CLIP1: variants seen among roughly 807,000 people sequenced by gnomAD.
CLIP1 encodes CAP-Gly domain-containing linker protein 1.
A neutral mutation model predicts 161.6 loss-of-function variants in CLIP1; 66 were observed. The ratio of observed to expected loss-of-function variants is 0.41; its 90% confidence interval spans 0.33 to 0.50. The LOEUF (loss-of-function observed/expected upper bound fraction) is 0.50, where lower values mean the gene tolerates loss of function less well. CLIP1 is among the 20% of genes least tolerant of loss of function. The pLI, the probability that CLIP1 is intolerant of heterozygous loss-of-function variation, is 0.27. For missense variants in CLIP1, 1,376 were observed against 1,702.0 expected, an observed-to-expected ratio of 0.81 and a Z score of 3.37; for synonymous variants, 598 against 626.2, an observed-to-expected ratio of 0.96 and a Z score of 0.67.
chr12:122,392,219 T>C (rs1955688588), intron 1 of CLIP1, among the ~76,000 whole-genome samples: 2 of 152,108 alleles, frequency 1.3e-5, no homozygotes, highest in South Asian at 4.1e-4. Context: ...TGCAGTGACC[T>C]ATGATTACAC....
At chr12:122,358,514 A>C (rs1953615515) in intron 5 of CLIP1, among the ~76,000 whole-genome samples, 1 of 151,932 alleles carries the variant, frequency 6.6e-6, no homozygotes, top group Non-Finnish European at 1.5e-5. Context: ...GCAGTATGGC[A>C]TAATGACTTA....
intron 11 of CLIP1, among the ~76,000 whole-genome samples, chr12:122,336,975 T>G (rs78218575): frequency 6.7e-6 from 1 of 149,028 alleles, no homozygotes; most frequent in African/African-American, 2.4e-5. Context: ...TTTTTTTTTT[T>G]CTCTTTCTTT....
chr12:122,323,105 G>A lies in CLIP1; in HGVS notation c.3250-3757C>T, dbSNP rs1951577758. On this transcript the variant is annotated intron_variant, in intron 17 of 25. Transcript: ENST00000620786. This position sits in a 1 kb window ranked among gnomAD's most constrained non-coding sequence, Gnocchi z 4.1. ...ACATTGCCTTTTGAGGTCTCCTATG[G>A]CTTTGATGGAATTCTCTCTCTCTGC... 2 of 152,592 alleles carry A rather than the reference G, an allele frequency of 1.3e-5. No homozygotes were observed. Among genetic ancestry groups the A allele is most frequent in the African/African-American group, 4.8e-5 (2 of 41,528 alleles). 9.5% of individuals were successfully genotyped at this position (152,592 alleles called of 1,614,324 possible).
chr12:122,412,297 C>T (rs905563954), intron 1 of CLIP1, among the ~76,000 whole-genome samples: 5 of 150,412 alleles, frequency 3.3e-5, no homozygotes, highest in African/African-American at 9.7e-5. Context: ...CCATCCACTT[C>T]AGCCTCCCAA....
chr12:122,344,339 A>G (rs1296882825), intron 10 of CLIP1, among the ~76,000 whole-genome samples: 1 of 152,220 alleles, frequency 6.6e-6, no homozygotes, highest in Non-Finnish European at 1.5e-5. Context: ...TCATTTACAC[A>G]TGATTTTCTG....
chr12:122,361,201 C>G lies in CLIP1; in HGVS notation c.783-20G>C. ...AAATACCTTTAGAGAACAATAAGAA[C>G]AATAACAAAAAACAACTTAATCACA... On this transcript the variant is annotated intron_variant, in intron 4 of 25. Transcript: ENST00000620786. The G allele has an allele frequency of 6.4e-7, 1 of 1,562,014 alleles. No individual in the cohort carries two copies. The highest frequency in any genetic ancestry group is 8.7e-7 in the Non-Finnish European group (1 of 1,143,206).
chr12:122,276,523 A>T, intron 24 of CLIP1: 1 of 1,268,532 alleles, frequency 7.9e-7, no homozygotes, highest in South Asian at 1.2e-5. Context: ...AGACACTGTT[A>T]GTTATTAAGC....
At chr12:122,391,541 G>A (rs1433037702) in intron 1 of CLIP1, among the ~76,000 whole-genome samples, 7 of 152,192 alleles carry the variant, frequency 4.6e-5, no homozygotes, top group African/African-American at 7.2e-5. Flanking sequence ...AGCTGAGATC[G>A]CGCCATCGTA....
chr12:122,341,406 T>C lies in CLIP1; in HGVS notation c.1798A>G (p.Lys600Glu). ...TTGCTTTTCAATGACTCGTTCTCTT[T>C]GGAAAGCTTTTCCGTGGCGGTATAC... The part of the protein sequence containing the change: ...ALYTATEKLS[K>E]ENESLKSKLE... Residue 600 changes from lysine to glutamate, a missense_variant, in exon 11 of 26, where the codon AAA becomes GAA. Physicochemically the swap from Lys to Glu is moderately conservative, Grantham distance 56. Transcript: ENST00000620786. The C allele has an allele frequency of 6.2e-7, 1 of 1,614,200 alleles. No individual in the cohort carries two copies. Among genetic ancestry groups the C allele is most frequent in the South Asian group, 1.1e-5 (1 of 91,086 alleles).
chr12:122,377,784 C>T lies in CLIP1; in HGVS notation c.262G>A (p.Ala88Thr), dbSNP rs532751950. 1 of 1,613,938 alleles carries T rather than the reference C, an allele frequency of 6.2e-7. No individual in the cohort carries two copies. The highest frequency in any genetic ancestry group is 1.3e-5 in the African/African-American group (1 of 74,986). ...ATGGGTTCATCTAAAACAATTCCAG[C>T]CCACTGGCCTGGTGCAAACTGGGTT... ...GETQFAPGQW[A>T]GIVLDEPIGK... The change falls in exon 3 of 26, where the codon GCT becomes ACT. Residue 88 changes from alanine to threonine, a missense_variant. Ala to Thr is a moderately conservative substitution (Grantham distance 58). Transcript: ENST00000620786.
intron 1 of CLIP1, among the ~76,000 whole-genome samples, chr12:122,420,719 T>G (rs1363686211): frequency 3.9e-5 from 6 of 152,058 alleles, no homozygotes; most frequent in Middle Eastern, 6.3e-3. Context: ...GTGGATGACT[T>G]GAGCCCAGGA....
At chr12:122,333,979 G>T (rs886801910) in intron 14 of CLIP1, 48 bp downstream of exon 14, 23 of 1,169,296 alleles carry the variant, frequency 2.0e-5, no homozygotes, top group Non-Finnish European at 3.0e-5. Context: ...CTCGAATACG[G>T]GAAAGCCTAC....
chr12:122,403,416 A>T (rs7311062), intron 1 of CLIP1, among the ~76,000 whole-genome samples: 1 of 151,742 alleles, frequency 6.6e-6, no homozygotes, highest in African/African-American at 2.4e-5. Context: ...GAAAAATTTA[A>T]TAAGTATGTC....
chr12:122,402,382 G>C (rs1395718230), intron 1 of CLIP1, among the ~76,000 whole-genome samples: 1 of 152,018 alleles, frequency 6.6e-6, no homozygotes, highest in Non-Finnish European at 1.5e-5. Context: ...AGCTACTCCA[G>C]AGGCAGAGAT....
intron 21 of CLIP1, among the ~76,000 whole-genome samples, chr12:122,282,803 A>G (rs1014486418): frequency 6.6e-6 from 1 of 152,218 alleles, no homozygotes; most frequent in Admixed American, 6.5e-5. Context: ...TTTATTTATT[A>G]TAACGTGGAT....
chr12:122,340,405 T>C (rs541693591), intron 11 of CLIP1, among the ~76,000 whole-genome samples: 31 of 152,312 alleles, frequency 2.0e-4, no homozygotes, highest in Non-Finnish European at 4.4e-4. Context: ...GTTCATTCAT[T>C]CATCTTAACA....
chr12:122,417,081 T>C (rs1464179487), intron 1 of CLIP1, among the ~76,000 whole-genome samples: 1 of 151,918 alleles, frequency 6.6e-6, no homozygotes, highest in Admixed American at 6.6e-5. Flanking sequence ...GCAGATCACC[T>C]GAGGGTCAGG....
intron 1 of CLIP1, among the ~76,000 whole-genome samples, chr12:122,383,846 A>AC (rs1229807983): frequency 1.3e-5 from 2 of 151,984 alleles, no homozygotes; most frequent in African/African-American, 4.8e-5. Flanking sequence ...TGCAAAACAA[A>AC]AAAAAAAAGA....
At chr12:122,400,375 A>G (rs1187987841) in intron 1 of CLIP1, 1 of 151,996 alleles carries the variant, frequency 6.6e-6, no homozygotes, top group East Asian at 1.9e-4. Flanking sequence ...GCTTAGCCCC[A>G]ATTTAAAAAC....
Sources: allele counts gnomAD v4.1 joint callset (sites outside exome capture counted in the v4.1 genomes callset), GRCh38; gene constraint gnomAD v4.1.1; non-coding constraint Gnocchi (gnomAD v3.1); transcripts MANE v1.5; gene names NCBI Gene and HGNC (gene_info 2026-07-23, HGNC 2026-07-21).